Variants in ABCA12 observed in about 807,000 individuals in gnomAD.
ABCA12 encodes the protein ATP binding cassette subfamily A member 12, also known as glucosylceramide transporter ABCA12.
In ABCA12, 156 loss-of-function variants were observed where a neutral mutation model predicts 293.5. That is an observed-to-expected ratio of 0.53 (90% confidence interval 0.47 to 0.61). The LOEUF (loss-of-function observed/expected upper bound fraction) is 0.61. ABCA12 is among the 20% of genes least tolerant of loss of function. The pLI is 0.00. For missense variants in ABCA12, 2,797 were observed against 3,090.2 expected (o/e 0.91, Z 2.25); for synonymous variants, 1,063 against 1,108.0 (o/e 0.96, Z 0.81).
At position 215,071,027 on chromosome 2, in the gene ABCA12, A is replaced by T. The variant is rs141823143; in HGVS notation, c.164-6808T>A. 5.3e-5 allele frequency among the ~76,000 whole-genome samples: 8 copies of T among 151,890 alleles called. No homozygotes were observed. The East Asian group carries it at 1.6e-3, about 30-fold the overall frequency. On this transcript the variant is annotated intron_variant, in intron 2 of 52. Transcript: ENST00000272895. ...GAAACCCTGTTTCTACAAAAAATAC[A>T]CACTCAAGAAAACCCACAAACTATC...
intron 23 of ABCA12, among the ~76,000 whole-genome samples, chr2:214,991,321 T>C (rs1017942903): frequency 1.8e-4 from 28 of 152,218 alleles, no homozygotes; most frequent in African/African-American, 6.3e-4. Context: ...CTGACATCTC[T>C]AGATTAAACT....
chr2:214,971,147 G>T (rs1275000597), intron 36 of ABCA12, among the ~76,000 whole-genome samples: 1 of 151,960 alleles, frequency 6.6e-6, no homozygotes, highest in African/African-American at 2.4e-5. Flanking sequence ...ATGCTTCATT[G>T]CAATGAAGTT....
chr2:215,002,489 A>C (rs1413242855), intron 20 of ABCA12, among the ~76,000 whole-genome samples: 1 of 152,200 alleles, frequency 6.6e-6, no homozygotes, highest in African/African-American at 2.4e-5. Flanking sequence ...TTACATTTTT[A>C]CTGACTTGAT....
At chr2:214,936,348 A>G (rs1358709105) in intron 51 of ABCA12, among the ~76,000 whole-genome samples, 1 of 152,206 alleles carries the variant, frequency 6.6e-6, no homozygotes, top group African/African-American at 2.4e-5. Flanking sequence ...TGTATCACCC[A>G]TGAATAGTGG....
intron 4 of ABCA12, among the ~76,000 whole-genome samples, chr2:215,054,181 A>G (rs1283687745): frequency 6.6e-6 from 1 of 152,072 alleles, no homozygotes; most frequent in Non-Finnish European, 1.5e-5. Context: ...GTTGAGCCTC[A>G]TATTTCTCAT....
intron 1 of ABCA12, among the ~76,000 whole-genome samples, chr2:215,127,502 T>A (rs1702952619): frequency 6.6e-6 from 1 of 152,196 alleles, no homozygotes; most frequent in East Asian, 1.9e-4. Flanking sequence ...TGTTTAGGAA[T>A]GTGATATTCT....
At chr2:214,969,131 T>C (rs573439704) in intron 37 of ABCA12, among the ~76,000 whole-genome samples, 3 of 152,164 alleles carry the variant, frequency 2.0e-5, no homozygotes, top group African/African-American at 7.2e-5. Flanking sequence ...CTTAATATTT[T>C]AGTACTCAAA....
At chr2:215,076,674 G>A (rs79386401) in intron 2 of ABCA12, among the ~76,000 whole-genome samples, 2,227 of 152,156 alleles carry the variant, frequency 0.015, 24 homozygotes, top group Middle Eastern at 0.044. Flanking sequence ...ATGTGCAAAA[G>A]GAGACATATA....
chr2:215,029,553 AAG>A (rs1196816966), intron 9 of ABCA12, among the ~76,000 whole-genome samples: 1 of 152,176 alleles, frequency 6.6e-6, no homozygotes, highest in Non-Finnish European at 1.5e-5. Flanking sequence ...GGACTGGAAC[AAG>A]AGAGTTTCAT....
chr2:215,028,055 G>T (rs1700788058), intron 9 of ABCA12, among the ~76,000 whole-genome samples: 2 of 152,176 alleles, frequency 1.3e-5, no homozygotes, highest in Admixed American at 1.3e-4. Flanking sequence ...TTTCCTTAGT[G>T]TCTACTATTG....
chr2:215,134,430 A>ATG (rs1294029667), intron 1 of ABCA12, among the ~76,000 whole-genome samples: 3 of 146,762 alleles, frequency 2.0e-5, no homozygotes, highest in South Asian at 2.1e-4. Flanking sequence ...ATATATGTAT[A>ATG]TGTGTATATA....
Position 215,011,586 on chromosome 2 carries a change from A to G in ABCA12, c.2185T>C (p.Leu729=), listed in dbSNP as rs149155738. The G allele has an allele frequency of 2.5e-4, 402 of 1,613,988 alleles. No individual in the cohort carries two copies. The highest frequency in any genetic ancestry group is 7.5e-4 in the Admixed American group (45 of 60,002). ...TCAGTGGTAATTCCTTGAGAACATA[A>G]TGCTTGGGAGATGGTGCTAAATGAT... ...QGSFSTISQA[L]CSQGITTEYL... The change falls in exon 17 of 53, where the codon TTA becomes CTA. Residue 729 remains leucine (L), a synonymous_variant. Transcript: ENST00000272895.
chr2:215,052,795 G>A (rs1701346318), intron 4 of ABCA12, among the ~76,000 whole-genome samples: 1 of 152,070 alleles, frequency 6.6e-6, no homozygotes, highest in Non-Finnish European at 1.5e-5. Context: ...ACTTTGGTCT[G>A]TTCTTGTTGT....
rs1203924387 is a variant in ABCA12 at position 215,115,784 on chromosome 2, AG to A, written c.70-4095del. ...AAAAGTCCGTAGGTAGGTCCTAGCA[AG>A]GTAAGTGTACGTGCTAGTACTTGAG... On this transcript the variant is annotated intron_variant, in intron 1 of 52. Coordinates refer to ENST00000272895, the MANE Select transcript of ABCA12 (RefSeq NM_173076.3). 2.6e-5 allele frequency among the ~76,000 whole-genome samples: 4 copies of A among 152,158 alleles called. No homozygotes were observed. The East Asian group carries it at 7.7e-4, about 29-fold the overall frequency.
chr2:215,042,072 C>G (rs1191944071), intron 7 of ABCA12, among the ~76,000 whole-genome samples: 2 of 152,110 alleles, frequency 1.3e-5, no homozygotes, highest in African/African-American at 4.8e-5. Context: ...TTCAGTTAAG[C>G]AAGATGAATA....
At chr2:214,949,862 C>T (rs1369445279) in intron 45 of ABCA12, among the ~76,000 whole-genome samples, 1 of 152,160 alleles carries the variant, frequency 6.6e-6, no homozygotes, top group African/African-American at 2.4e-5. Context: ...TCAGAACTTG[C>T]TGTGTGGTAG....
chr2:214,932,068 G>A lies in ABCA12; in HGVS notation c.*566C>T, dbSNP rs1228884188. The A allele has an allele frequency of 1.9e-5, 3 of 157,420 alleles. No homozygotes were observed. Among genetic ancestry groups the A allele is most frequent in the African/African-American group, 4.9e-5 (2 of 40,782 alleles). The allele number at this position is 157,420 out of a possible 1,614,324, so 9.8% of individuals were successfully genotyped here. On this transcript the variant is annotated 3_prime_UTR_variant, in exon 53 of 53. Coordinates refer to ENST00000272895, the MANE Select transcript of ABCA12 (RefSeq NM_173076.3). ...TTTTTCGGGTTCAGCACGTCCCCAT[G>A]CATTCACAGGTACCGAAAGTGACAT... is the stretch of plus-strand genomic sequence containing the variant.
At chr2:215,032,931 G>T (rs1208017854) in intron 8 of ABCA12, among the ~76,000 whole-genome samples, 1 of 151,990 alleles carries the variant, frequency 6.6e-6, no homozygotes, top group African/African-American at 2.4e-5. Flanking sequence ...TTTTTTTGCT[G>T]GTCCTGATTA....
intron 43 of ABCA12, 92 bp downstream of exon 43, chr2:214,955,110 G>T (rs1698902687): frequency 1.4e-6 from 2 of 1,465,356 alleles, no homozygotes; most frequent in South Asian, 1.2e-5. Flanking sequence ...AGAATCAAAT[G>T]ATATTCTTCT....
Sources: allele counts gnomAD v4.1 joint callset (sites outside exome capture counted in the v4.1 genomes callset), GRCh38; gene constraint gnomAD v4.1.1; transcripts MANE v1.5; gene names NCBI Gene and HGNC (gene_info 2026-07-23, HGNC 2026-07-21).